The following RETREG1 variants were observed in gnomAD, a reference collection of about 807,000 sequenced individuals.
The protein encoded by RETREG1 is reticulophagy regulator 1.
In RETREG1, 44 loss-of-function variants were observed where a neutral mutation model predicts 54.8. The ratio of observed to expected loss-of-function variants is 0.80; its 90% CI spans 0.63 to 1.03. The LOEUF is 1.03. RETREG1 is among the 50% of genes least tolerant of loss of function. RETREG1 has a pLI of 0.00. For synonymous variants in RETREG1, 217 were observed against 238.5 expected, an observed-to-expected ratio of 0.91 and a Z score of 0.83; for missense variants, 554 against 605.1, an observed-to-expected ratio of 0.92 and a Z score of 0.89.
intron 3 of RETREG1, among the ~76,000 whole-genome samples, chr5:16,543,323 T>C (rs1741298927): frequency 6.6e-6 from 1 of 152,170 alleles, no homozygotes; most frequent in African/African-American, 2.4e-5. Flanking sequence ...CTTAGCTAAA[T>C]ATCTAAGAGA....
chr5:16,564,796 A>G (rs1479939672), intron 3 of RETREG1, among the ~76,000 whole-genome samples: 1 of 152,226 alleles, frequency 6.6e-6, no homozygotes, highest in Non-Finnish European at 1.5e-5. Context: ...ATGAAGGAAC[A>G]AGCAAGCAGT....
intron 3 of RETREG1, among the ~76,000 whole-genome samples, chr5:16,543,422 TC>T (rs1741300876): frequency 6.6e-6 from 1 of 152,200 alleles, no homozygotes; most frequent in Admixed American, 6.5e-5. Context: ...ACGCCTGTAA[TC>T]CCAGCACTTT....
At chr5:16,530,234 G>A (rs334483) in intron 3 of RETREG1, among the ~76,000 whole-genome samples, 14,677 of 152,214 alleles carry the variant, frequency 0.096, 867 homozygotes, top group African/African-American at 0.14. Context: ...AAAGGGCAAT[G>A]TTTCTGGTGT....
At chr5:16,551,546 C>T (rs1374356908) in intron 3 of RETREG1, among the ~76,000 whole-genome samples, 2 of 152,090 alleles carry the variant, frequency 1.3e-5, no homozygotes, top group African/African-American at 4.8e-5. Context: ...TTCTTGGCTC[C>T]CTCCCAAAAA....
intron 1 of RETREG1, among the ~76,000 whole-genome samples, chr5:16,592,422 A>G (rs1057084934): frequency 5.9e-5 from 9 of 152,222 alleles, no homozygotes; most frequent in Non-Finnish European, 1.3e-4. Context: ...ACGATCGCAG[A>G]GAAAAGGGAA....
At chr5:16,571,578 A>G (rs1337474178) in intron 2 of RETREG1, among the ~76,000 whole-genome samples, 1 of 151,502 alleles carries the variant, frequency 6.6e-6, no homozygotes, top group East Asian at 1.9e-4. Flanking sequence ...TTATCAACTC[A>G]TTTTTTAAAA....
At chr5:16,586,621 G>A (rs1430252279) in intron 1 of RETREG1, among the ~76,000 whole-genome samples, 1 of 152,182 alleles carries the variant, frequency 6.6e-6, no homozygotes, top group Non-Finnish European at 1.5e-5. Context: ...AGGTGTCTCA[G>A]GGCCTTTCCC....
chr5:16,588,051 T>C (rs1169138047), intron 1 of RETREG1, among the ~76,000 whole-genome samples: 3 of 152,208 alleles, frequency 2.0e-5, no homozygotes, highest in Non-Finnish European at 4.4e-5. Flanking sequence ...CTGCTCCCAG[T>C]CTGAGGCCAG....
At chr5:16,530,571 G>C (rs1218891661) in intron 3 of RETREG1, among the ~76,000 whole-genome samples, 1 of 152,114 alleles carries the variant, frequency 6.6e-6, no homozygotes, top group Non-Finnish European at 1.5e-5. Context: ...TCAAGTGTCT[G>C]CTTTTTAAAA....
At chr5:16,571,532 C>T (rs1742172621) in intron 2 of RETREG1, among the ~76,000 whole-genome samples, 1 of 151,468 alleles carries the variant, frequency 6.6e-6, no homozygotes, top group South Asian at 2.1e-4. Context: ...CAAGCTCTTG[C>T]TTTTAAACTT....
chr5:16,571,073 T>A (rs1280786675), intron 2 of RETREG1, among the ~76,000 whole-genome samples: 4 of 152,164 alleles, frequency 2.6e-5, no homozygotes, highest in Non-Finnish European at 5.9e-5. Flanking sequence ...TAAAGACTTA[T>A]AACTGGATTT....
intron 8 of RETREG1, among the ~76,000 whole-genome samples, chr5:16,475,518 ATAT>A (rs1432253849): frequency 4.6e-5 from 7 of 152,182 alleles, no homozygotes; most frequent in African/African-American, 1.7e-4. Flanking sequence ...CCTTTGTCTG[ATAT>A]TAGCTTGAGG....
At chr5:16,525,775 G>A (rs1740700637) in intron 3 of RETREG1, among the ~76,000 whole-genome samples, 2 of 151,464 alleles carry the variant, frequency 1.3e-5, no homozygotes. Flanking sequence ...CAGAGAGGGA[G>A]AGAGAGATTG....
intron 3 of RETREG1, among the ~76,000 whole-genome samples, chr5:16,513,775 C>T (rs908942395): frequency 3.9e-5 from 6 of 152,188 alleles, no homozygotes; most frequent in Admixed American, 6.5e-5. Flanking sequence ...TTTCTCTGTT[C>T]GATGCTCCTT....
At chr5:16,514,989 T>G (rs1224845371) in intron 3 of RETREG1, among the ~76,000 whole-genome samples, 1 of 149,004 alleles carries the variant, frequency 6.7e-6, no homozygotes, top group Non-Finnish European at 1.5e-5. Flanking sequence ...AAAATTTTCT[T>G]TATCCACTCA....
chr5:16,541,460 C>T (rs550632427), intron 3 of RETREG1, among the ~76,000 whole-genome samples: 55 of 152,170 alleles, frequency 3.6e-4, no homozygotes, highest in South Asian at 2.3e-3. Context: ...GAGGCAGAGG[C>T]GGCGGATCTC....
At chr5:16,501,797 G>A (rs1176426227) in intron 3 of RETREG1, among the ~76,000 whole-genome samples, 8 of 151,920 alleles carry the variant, frequency 5.3e-5, no homozygotes, top group African/African-American at 1.4e-4. Flanking sequence ...CACCTGCCTC[G>A]GCCCCCCAAA....
Position 16,480,998 on chromosome 5 carries a change from A to G in RETREG1, c.670+11T>C. On this transcript the variant is annotated intron_variant, in intron 5 of 8. Coordinates refer to ENST00000306320, the MANE Select transcript of RETREG1 (RefSeq NM_001034850.3). ...ATCACAACACTTAGCCATATGTTCTACTATACTTACACAGTAGATAGCTGA... is the reference window on the plus strand; with the variant it reads ...ATCACAACACTTAGCCATATGTTCTGCTATACTTACACAGTAGATAGCTGA... 1 of 1,586,862 alleles carries G rather than the reference A, an allele frequency of 6.3e-7. No homozygotes were observed. Among genetic ancestry groups the G allele is most frequent in the Non-Finnish European group, 8.7e-7 (1 of 1,155,694 alleles).
chr5:16,543,237 C>T (rs1227068677), intron 3 of RETREG1, among the ~76,000 whole-genome samples: 2 of 152,180 alleles, frequency 1.3e-5, no homozygotes, highest in Non-Finnish European at 2.9e-5. Flanking sequence ...ATGCACTCAC[C>T]TCTGCTGACA....
Sources: allele counts gnomAD v4.1 joint callset (sites outside exome capture counted in the v4.1 genomes callset), GRCh38; gene constraint gnomAD v4.1.1; transcripts MANE v1.5; gene names NCBI Gene and HGNC (gene_info 2026-07-23, HGNC 2026-07-21).